Variants in PATJ observed in about 807,000 individuals in gnomAD.
The protein encoded by PATJ is inaD-like protein.
In PATJ, 190 loss-of-function variants were observed where a neutral mutation model predicts 224.9. The ratio of observed to expected loss-of-function variants is 0.84; its 90% CI spans 0.75 to 0.95. The LOEUF (loss-of-function observed/expected upper bound fraction) is 0.95, where lower values mean the gene tolerates loss of function less well. Among genes scored for constraint, PATJ ranks in the 40% least tolerant of loss-of-function variants. The probability of loss-of-function intolerance (pLI) is 0.00; values close to 1 mark genes in which losing one functional copy is unlikely to be tolerated. For synonymous variants in PATJ, 769 were observed against 820.3 expected, an observed-to-expected ratio of 0.94 and a Z score of 1.07; for missense variants, 2,121 against 2,270.3, an observed-to-expected ratio of 0.93 and a Z score of 1.34.
chr1:62,081,948 TGTG>T (rs1163711899), intron 32 of PATJ, among the ~76,000 whole-genome samples: 2 of 152,226 alleles, frequency 1.3e-5, no homozygotes. Flanking sequence ...TAATGGGAAA[TGTG>T]GTATAAAATA....
At chr1:62,104,096 T>C (rs1356372733) in intron 33 of PATJ, among the ~76,000 whole-genome samples, 3 of 144,224 alleles carry the variant, frequency 2.1e-5, no homozygotes, top group Non-Finnish European at 4.5e-5. Flanking sequence ...ACTGAGGTCT[T>C]GGGTTTTGGA....
chr1:61,904,172 A>T (rs1264444898), intron 24 of PATJ, among the ~76,000 whole-genome samples: 1 of 152,002 alleles, frequency 6.6e-6, no homozygotes, highest in Non-Finnish European at 1.5e-5. Flanking sequence ...TTGTTTTTTG[A>T]ATCTAATCAT....
intron 32 of PATJ, 38 bp from the exon 33 acceptor site, chr1:62,084,477 C>T (rs779932446): frequency 1.3e-6 from 2 of 1,587,680 alleles, no homozygotes; most frequent in South Asian, 1.2e-5. Flanking sequence ...AGCTGCAGCT[C>T]TTACATGCCA....
intron 31 of PATJ, among the ~76,000 whole-genome samples, chr1:62,066,417 T>A (rs1024662697): frequency 2.0e-5 from 3 of 151,120 alleles, no homozygotes; most frequent in Non-Finnish European, 4.4e-5. Context: ...AGGGTCACAC[T>A]CTGTCGCCCA....
chr1:62,133,977 C>T (rs1666540705), intron 41 of PATJ, among the ~76,000 whole-genome samples: 1 of 151,952 alleles, frequency 6.6e-6, no homozygotes. Flanking sequence ...AACTCCTGAC[C>T]TCAGGTGATC....
chr1:62,124,832 C>A (rs557968985), intron 39 of PATJ, among the ~76,000 whole-genome samples: 1 of 152,236 alleles, frequency 6.6e-6, no homozygotes, highest in East Asian at 1.9e-4. Context: ...CACACCCTGG[C>A]CTCATTTTAA....
Position 62,128,914 on chromosome 1 carries a change from T to C in PATJ, c.5240T>C (p.Leu1747Pro). The C allele has an allele frequency of 6.2e-7, 1 of 1,613,072 alleles. No homozygotes were observed. ...GLSHADVVNLLKNAYGRIILQ... is the reference protein window; with the variant it reads ...GLSHADVVNLPKNAYGRIILQ... ...TCTCACGCGGATGTGGTTAATCTGC[T>C]GAAGAACGCCTACGGGCGCATTATC... is the stretch of plus-strand genomic sequence containing the variant. Residue 1747 changes from leucine (L) to proline (P), a missense_variant, in exon 41 of 44, where the codon CTG (leucine) becomes CCG (proline). Physicochemically the swap from Leu to Pro is moderately conservative, Grantham distance 98. Transcript: ENST00000642238.
chr1:61,932,840 A>G (rs1237067057), intron 27 of PATJ, among the ~76,000 whole-genome samples: 1 of 152,166 alleles, frequency 6.6e-6, no homozygotes, highest in East Asian at 1.9e-4. Flanking sequence ...CAGAGGTTGC[A>G]GTGAGCCGAG....
At chr1:61,900,044 G>A (rs556955795) in intron 23 of PATJ, among the ~76,000 whole-genome samples, 54 of 152,196 alleles carry the variant, frequency 3.5e-4, no homozygotes, top group African/African-American at 1.3e-3. Flanking sequence ...TTCCTCCCCT[G>A]GTGGAGAGTC....
At chr1:62,142,666 G>A (rs1667621385) in intron 41 of PATJ, among the ~76,000 whole-genome samples, 1 of 152,186 alleles carries the variant, frequency 6.6e-6, no homozygotes. Flanking sequence ...AATACTTGGA[G>A]AGTGCTATGG....
At chr1:61,974,781 C>T (rs1457364851) in intron 27 of PATJ, among the ~76,000 whole-genome samples, 1 of 152,008 alleles carries the variant, frequency 6.6e-6, no homozygotes, top group African/African-American at 2.4e-5. Context: ...TACTCAGTTA[C>T]AAAACTGGCT....
chr1:61,774,778 T>C (rs1338199541), intron 6 of PATJ, among the ~76,000 whole-genome samples: 1 of 152,176 alleles, frequency 6.6e-6, no homozygotes. Context: ...TAATTCTTCA[T>C]TGGTTTTGAC....
At chr1:61,948,087 T>A (rs972584032) in intron 27 of PATJ, among the ~76,000 whole-genome samples, 1 of 152,206 alleles carries the variant, frequency 6.6e-6, no homozygotes, top group African/African-American at 2.4e-5. Context: ...GACTTAAATG[T>A]TAGACCTAAA....
intron 26 of PATJ, among the ~76,000 whole-genome samples, chr1:61,919,653 A>G (rs1464035065): frequency 6.6e-6 from 1 of 151,736 alleles, no homozygotes; most frequent in Non-Finnish European, 1.5e-5. Flanking sequence ...TTTAAATTGA[A>G]TTTCTGTTTT....
chr1:61,955,347 A>T (rs140067286), intron 27 of PATJ, among the ~76,000 whole-genome samples: 315 of 152,274 alleles, frequency 2.1e-3, no homozygotes, highest in African/African-American at 7.2e-3. Flanking sequence ...TCTAAAAAGA[A>T]AAAAGATATA....
At chr1:62,020,848 CAG>C (rs1288471526) in intron 29 of PATJ, among the ~76,000 whole-genome samples, 2 of 152,110 alleles carry the variant, frequency 1.3e-5, no homozygotes. Flanking sequence ...TATTTTGAGA[CAG>C]AGTCTTGCTC....
intron 7 of PATJ, among the ~76,000 whole-genome samples, chr1:61,775,585 A>AT (rs968749974): frequency 2.8e-4 from 42 of 152,100 alleles, no homozygotes; most frequent in South Asian, 6.2e-4. Flanking sequence ...TCAGAGGACA[A>AT]TTTTTTTTAT....
chr1:61,933,642 C>T (rs1441696935), intron 27 of PATJ, among the ~76,000 whole-genome samples: 1 of 151,926 alleles, frequency 6.6e-6, no homozygotes, highest in African/African-American at 2.4e-5. Flanking sequence ...TCTTTTCTAA[C>T]TTTAATCCTT....
chr1:61,846,946 A>T (rs1662067258), intron 17 of PATJ, among the ~76,000 whole-genome samples: 1 of 152,228 alleles, frequency 6.6e-6, no homozygotes, highest in African/African-American at 2.4e-5. Context: ...TGCCTGGTGG[A>T]ACCTTAGGCA....
Sources: gnomAD v4.1 joint callset for allele counts (sites outside exome capture counted in the v4.1 genomes callset) on GRCh38, gnomAD v4.1.1 for gene constraint, MANE v1.5 for transcripts, NCBI Gene and HGNC (gene_info 2026-07-23, HGNC 2026-07-21) for gene names.